Variants in ANKRD26 observed in about 807,000 individuals in gnomAD.
ANKRD26 encodes the protein ankyrin repeat domain 26, also known as ankyrin repeat domain-containing protein 26.
In ANKRD26, 141 loss-of-function variants were observed where a neutral mutation model predicts 208.7. The ratio of observed to expected loss-of-function variants is 0.68; its 90% CI spans 0.59 to 0.78. The LOEUF (loss-of-function observed/expected upper bound fraction) is 0.78. Among genes scored for constraint, ANKRD26 ranks in the 30% least tolerant of loss-of-function variants. The probability of loss-of-function intolerance (pLI) is 0.00; values close to 1 mark genes in which losing one functional copy is unlikely to be tolerated. For synonymous variants in ANKRD26, 636 were observed against 660.4 expected, an observed-to-expected ratio of 0.96 and a Z score of 0.57; for missense variants, 1,889 against 1,938.7, an observed-to-expected ratio of 0.97 and a Z score of 0.48.
intron 6 of ANKRD26, 60 bp downstream of exon 6, chr10:27,082,743 C>G (rs1037478241): frequency 1.3e-5 from 20 of 1,529,118 alleles, no homozygotes; most frequent in Non-Finnish European, 1.7e-5. Context: ...GTAGGGCACT[C>G]AACAGTTTCT....
downstream of ANKRD26, among the ~76,000 whole-genome samples, chr10:26,990,062 T>C (rs965498297): frequency 6.6e-6 from 1 of 152,162 alleles, no homozygotes; most frequent in Non-Finnish European, 1.5e-5. Context: ...CTAGGTACCA[T>C]TGAAAGTAGC....
rs1255812481 is a variant in ANKRD26, at chr10:27,086,761, C to CTTTT, written c.639-156_639-153dup. ...ACTTCAAATATGTAAGCTCTACAAACTTTTTTGTTTTTTTTTTTTTTTTTT... is the reference window on the plus strand; with the variant it reads ...ACTTCAAATATGTAAGCTCTACAAACTTTTTTTTTTGTTTTTTTTTTTTTTTTTT... On this transcript the variant is annotated intron_variant, in intron 4 of 33. Transcript: ENST00000376087. 1,784 of 377,122 alleles carry CTTTT rather than the reference C, an allele frequency of 4.7e-3. 28 individuals carry two copies. The highest frequency in any genetic ancestry group is 7.3e-3 in the African/African-American group (254 of 35,026). The allele number at this position is 377,122 out of a possible 1,614,324, so 23.4% of individuals were successfully genotyped here. A position where few individuals can be genotyped will look rare whatever the true frequency, so the allele number is the denominator to read the frequency against.
chr10:27,040,255 C>A, intron 20 of ANKRD26, 77 bp from the exon 21 acceptor site: 1 of 1,032,334 alleles, frequency 9.7e-7, no homozygotes, highest in East Asian at 2.6e-5. Context: ...AACATTCACT[C>A]ATTAAGACAC....
chr10:26,963,993 C>G, the ANKRD26 span, among the ~76,000 whole-genome samples: 1 of 135,442 alleles, frequency 7.4e-6, no homozygotes, highest in African/African-American at 2.8e-5. Flanking sequence ...CTTACTGCAA[C>G]CTCTGTCTTG....
intron 9 of ANKRD26, among the ~76,000 whole-genome samples, chr10:27,071,451 G>A (rs758261281): frequency 2.6e-5 from 4 of 151,974 alleles, no homozygotes; most frequent in Non-Finnish European, 5.9e-5. Context: ...TGGGATTACA[G>A]GCATGAGCCA....
downstream of ANKRD26, among the ~76,000 whole-genome samples, chr10:26,973,649 CT>C (rs71386903): frequency 0.015 from 1,336 of 88,272 alleles, 2 homozygotes; most frequent in Non-Finnish European, 0.017. Flanking sequence ...TTTATTTGTC[CT>C]TTTTTTTTTT....
At chr10:26,970,161 A>G (rs1160138664), downstream of ANKRD26, among the ~76,000 whole-genome samples, 1 of 152,034 alleles carries the variant, frequency 6.6e-6, no homozygotes, top group African/African-American at 2.4e-5. Flanking sequence ...ATACTAGATA[A>G]TTGTAAAGTA....
At chr10:27,039,385 C>T (rs1415429258) in intron 21 of ANKRD26, among the ~76,000 whole-genome samples, 1 of 150,266 alleles carries the variant, frequency 6.7e-6, no homozygotes, top group Non-Finnish European at 1.5e-5. Context: ...ACCTGGGAGG[C>T]GGAGGTTACA....
intron 10 of ANKRD26, 36 bp downstream of exon 10, chr10:27,067,121 G>A (rs1564407595): frequency 1.2e-6 from 2 of 1,605,132 alleles, no homozygotes; most frequent in Middle Eastern, 2.0e-4. Context: ...TAGAACTTAA[G>A]GATAGAAAAA....
chr10:27,073,612 G>A (rs1018381046), intron 9 of ANKRD26, among the ~76,000 whole-genome samples: 1 of 152,102 alleles, frequency 6.6e-6, no homozygotes, highest in Non-Finnish European at 1.5e-5. Flanking sequence ...CCAAACTTGG[G>A]GTACTGCATT....
intron 6 of ANKRD26, chr10:27,080,265 AAT>A (rs1163585719): frequency 6.5e-6 from 1 of 152,732 alleles, no homozygotes; most frequent in Non-Finnish European, 1.5e-5. Context: ...TTCAAAGACT[AAT>A]ATGTGTCACT....
intron 13 of ANKRD26, 51 bp from the exon 14 acceptor site, chr10:27,060,591 C>A: frequency 7.6e-7 from 1 of 1,322,354 alleles, no homozygotes; most frequent in South Asian, 1.2e-5. Flanking sequence ...ATGACAAAGT[C>A]AATCATAAAT....
At position 27,090,055 on chromosome 10, in the gene ANKRD26, G is replaced by A. The variant is rs187464828; in HGVS notation, c.638+2351C>T. ...CATATTTTTCTGTAGTCCATCCCTAGACATATTAAGAAAAAACATCAAAAC... is the reference window on the plus strand; with the variant it reads ...CATATTTTTCTGTAGTCCATCCCTAAACATATTAAGAAAAAACATCAAAAC... On this transcript the variant is annotated intron_variant, in intron 4 of 33. Transcript: ENST00000376087. 5.5e-4 allele frequency among the ~76,000 whole-genome samples: 83 copies of A among 152,170 alleles called. No individual in the cohort carries two copies. In the East Asian group the frequency reaches 0.014, roughly 25 times the overall value.
rs764598297 is a variant in ANKRD26, at chr10:27,061,202, G to C, written c.1404C>G (p.Asn468Lys). Residue 468 changes from asparagine (N) to lysine (K), a missense_variant, in exon 13 of 34, where the codon AAC becomes AAG. Asn to Lys is a moderately conservative substitution (Grantham distance 94). This residue lies in a region of ANKRD26 where 1,272 missense variants were observed against 1,273.8 expected (regional missense o/e 1.00). Coordinates refer to ENST00000376087, the MANE Select transcript of ANKRD26 (RefSeq NM_014915.3). ...YIPSCMSGSR[N>K]FKMAKLEDTR... ...TATCCTCTAGTTTAGCCATCTTAAA[G>C]TTTCTTGATCCACTCATGCAAGAAG... 5.6e-6 allele frequency: 9 copies of C among 1,612,102 alleles called. No homozygotes were observed. Among genetic ancestry groups the C allele is most frequent in the Non-Finnish European group, 6.8e-6 (8 of 1,178,754 alleles).
At chr10:27,084,618 A>C (rs1336047237) in intron 5 of ANKRD26, among the ~76,000 whole-genome samples, 1 of 152,172 alleles carries the variant, frequency 6.6e-6, no homozygotes, top group East Asian at 1.9e-4. Flanking sequence ...CTGTAATCCC[A>C]ATACTTTGGG....
chr10:27,077,730 A>T lies in ANKRD26; in HGVS notation c.814-37T>A, dbSNP rs769888407. The T allele has an allele frequency of 1.1e-4, 168 of 1,531,264 alleles. 2 individuals carry two copies. The highest frequency in any genetic ancestry group is 7.5e-5 in the Non-Finnish European group (84 of 1,112,886). 94.9% of individuals were successfully genotyped at this position (1,531,264 alleles called of 1,614,324 possible). On this transcript the variant is annotated intron_variant, in intron 7 of 33. Transcript: ENST00000376087. ...AAATAAGAATAACAAGTTTTAAAAA[A>T]ACAAGTATCAAATTTGATAAAATAA...
At chr10:27,068,364 C>A (rs2055343469) in intron 9 of ANKRD26, among the ~76,000 whole-genome samples, 1 of 152,190 alleles carries the variant, frequency 6.6e-6, no homozygotes, top group Non-Finnish European at 1.5e-5. Flanking sequence ...TTTCCTGAGG[C>A]CTCCCCAGCC....
chr10:27,091,097 T>TAAC, intron 4 of ANKRD26, among the ~76,000 whole-genome samples: 1 of 151,340 alleles, frequency 6.6e-6, no homozygotes, highest in South Asian at 2.1e-4. Flanking sequence ...CTGTCTCAAA[T>TAAC]AATAATAATA....
intron 30 of ANKRD26, 85 bp from the exon 31 acceptor site, chr10:27,014,796 T>C (rs2053236803): frequency 4.5e-6 from 5 of 1,116,506 alleles, no homozygotes; most frequent in Non-Finnish European, 1.3e-6. Flanking sequence ...AGGGCTGTTT[T>C]GTTTTTAACC....
Sources: allele counts gnomAD v4.1 joint callset (sites outside exome capture counted in the v4.1 genomes callset), GRCh38; gene constraint gnomAD v4.1.1; regional missense constraint gnomAD v4.1.1; transcripts MANE v1.5; gene names NCBI Gene and HGNC (gene_info 2026-07-23, HGNC 2026-07-21).